SOCS7: variants seen among roughly 807,000 people sequenced by gnomAD.
SOCS7 encodes the protein NAP-4.
A neutral mutation model predicts 58.9 loss-of-function variants in SOCS7; 18 were observed. That is an observed-to-expected ratio of 0.31 (90% CI 0.21 to 0.45). The LOEUF is 0.45. SOCS7 is among the 20% of genes least tolerant of loss of function. The pLI is 1.00. For missense variants in SOCS7, 667 were observed against 837.3 expected (o/e 0.80, Z 2.51); for synonymous variants, 388 against 364.3 (o/e 1.06, Z -0.74).
chr17:38,386,348 A>AAAAAAAT (rs1206461262), intron 7 of SOCS7, among the ~76,000 whole-genome samples: 32 of 149,952 alleles, frequency 2.1e-4, no homozygotes, highest in Admixed American at 9.4e-4. Flanking sequence ...AAAAAAAAAA[A>AAAAAAAT]TTAGCCAGGT....
At chr17:38,361,234 A>G (rs2037715270) in intron 1 of SOCS7, among the ~76,000 whole-genome samples, 1 of 152,264 alleles carries the variant, frequency 6.6e-6, no homozygotes, top group African/African-American at 2.4e-5. Flanking sequence ...CTGCACATGC[A>G]TCCTGCAGTG....
rs1242133207 is a variant in SOCS7, at chr17:38,404,009, C to T, written c.*4527C>T. 3 of 151,832 alleles carry T rather than the reference C, an allele frequency of 2.0e-5. No homozygotes were observed. The highest frequency in any genetic ancestry group is 6.6e-5 in the Admixed American group (1 of 15,246). 9.4% of individuals were successfully genotyped at this position (151,832 alleles called of 1,614,324 possible). A position where few individuals can be genotyped will look rare whatever the true frequency, so the allele number is the denominator to read the frequency against. On this transcript the variant is annotated 3_prime_UTR_variant, in exon 10 of 10. Coordinates refer to ENST00000612932, the MANE Select transcript of SOCS7 (RefSeq NM_014598.4). ...AAAAAAAAAGAAAGAAAAGTGTGCCCCCCTCCTATGCTGCGATAGCTATAA... is the reference window on the plus strand; with the variant it reads ...AAAAAAAAAGAAAGAAAAGTGTGCCTCCCTCCTATGCTGCGATAGCTATAA...
intron 1 of SOCS7, among the ~76,000 whole-genome samples, 171 bp from the exon 2 acceptor site, chr17:38,361,539 CT>C (rs1450888550): frequency 5.3e-5 from 8 of 152,184 alleles, no homozygotes; most frequent in African/African-American, 1.9e-4. Context: ...AAGGAATTGC[CT>C]TAATTATTTC....
chr17:38,389,152 C>G (rs2038118393), intron 7 of SOCS7, among the ~76,000 whole-genome samples: 1 of 152,190 alleles, frequency 6.6e-6, no homozygotes, highest in Non-Finnish European at 1.5e-5. Flanking sequence ...TTTTGATTTG[C>G]ATTTCCCTAA....
At chr17:38,383,652 G>T (rs964293158) in intron 7 of SOCS7, among the ~76,000 whole-genome samples, 2 of 152,040 alleles carry the variant, frequency 1.3e-5, no homozygotes, top group African/African-American at 4.8e-5. Context: ...CTGCCTCCTG[G>T]GTTCAAGCAA....
chr17:38,358,844 A>G (rs1237794169), intron 1 of SOCS7, among the ~76,000 whole-genome samples: 2 of 152,058 alleles, frequency 1.3e-5, no homozygotes, highest in South Asian at 2.1e-4. Context: ...CTCTCCCTGG[A>G]TTCAGATGTT....
At chr17:38,359,439 G>A (rs2037685575) in intron 1 of SOCS7, among the ~76,000 whole-genome samples, 1 of 152,206 alleles carries the variant, frequency 6.6e-6, no homozygotes, top group Non-Finnish European at 1.5e-5. Context: ...AGCTCTTTCT[G>A]AATAAGATCT....
intron 7 of SOCS7, among the ~76,000 whole-genome samples, chr17:38,387,772 CT>C (rs199830504): frequency 0.17 from 19,261 of 115,420 alleles, 2,008 homozygotes; most frequent in African/African-American, 0.39. Context: ...TAATGGCTTT[CT>C]TTTTTTTTTT....
intron 7 of SOCS7, among the ~76,000 whole-genome samples, chr17:38,379,199 C>T (rs1191827093): frequency 1.3e-5 from 2 of 148,778 alleles, no homozygotes; most frequent in African/African-American, 5.0e-5. Flanking sequence ...AAAAACAAGG[C>T]AGGGGTTGGT....
In SOCS7 at chr17:38,368,027, A is replaced by T; in HGVS notation, c.1529A>T (p.His510Leu). Residue 510 changes from histidine to leucine, a missense_variant, in exon 6 of 10, where the codon CAC (histidine) becomes CTC (leucine). Physicochemically the swap from His to Leu is moderately conservative, Grantham distance 99. Coordinates refer to ENST00000612932, the MANE Select transcript of SOCS7 (RefSeq NM_014598.4). ...LSFRSQGITH[H>L]TRMEHYRGTF... Reference sequence around the variant, plus strand: ...TTCCGATCACAGGGTATCACCCACCACACTAGAATGGAGCACTACAGAGGT... The same window carrying T: ...TTCCGATCACAGGGTATCACCCACCTCACTAGAATGGAGCACTACAGAGGT... 6.2e-7 allele frequency: 1 copy of T among 1,614,092 alleles called. No homozygotes were observed. Among genetic ancestry groups the T allele is most frequent in the Non-Finnish European group, 8.5e-7 (1 of 1,179,972 alleles).
chr17:38,389,451 A>G (rs2038121415), intron 7 of SOCS7, among the ~76,000 whole-genome samples: 1 of 151,936 alleles, frequency 6.6e-6, no homozygotes, highest in Non-Finnish European at 1.5e-5. Context: ...AGCTACTTGG[A>G]AGACTGAGAT....
chr17:38,404,006 GC>G lies in SOCS7; in HGVS notation c.*4530del, dbSNP rs1185173269. On this transcript the variant is annotated 3_prime_UTR_variant, in exon 10 of 10. Transcript: ENST00000612932. ...AGAAAAAAAAAAGAAAGAAAAGTGT[GC>G]CCCCCTCCTATGCTGCGATAGCTAT... is the stretch of plus-strand genomic sequence containing the variant. The G allele has an allele frequency of 6.6e-6, 1 of 151,898 alleles. No homozygotes were observed. The highest frequency in any genetic ancestry group is 2.4e-5 in the African/African-American group (1 of 41,356). 9.4% of individuals were successfully genotyped at this position (151,898 alleles called of 1,614,324 possible).
At chr17:38,361,635 C>A in intron 1 of SOCS7, 76 bp from the exon 2 acceptor site, 1 of 1,101,152 alleles carries the variant, frequency 9.1e-7, no homozygotes, top group Non-Finnish European at 1.4e-6. Context: ...GCATCTGGAA[C>A]TGAGTGTTGT....
chr17:38,392,875 C>T (rs1330996213), intron 7 of SOCS7, among the ~76,000 whole-genome samples: 1 of 152,214 alleles, frequency 6.6e-6, no homozygotes, highest in African/African-American at 2.4e-5. Flanking sequence ...GTGTTCAAGG[C>T]AGGCCGGCTT....
At chr17:38,359,739 T>TTATATA (rs71368481) in intron 1 of SOCS7, among the ~76,000 whole-genome samples, 1 of 147,914 alleles carries the variant, frequency 6.8e-6, no homozygotes, top group African/African-American at 2.5e-5. Flanking sequence ...TGTTTTACTG[T>TTATATA]TATATATATA....
In SOCS7 at chr17:38,404,714, C is replaced by T. The variant is rs544577060; in HGVS notation, c.*5232C>T. On this transcript the variant is annotated 3_prime_UTR_variant, in exon 10 of 10. Coordinates refer to ENST00000612932, the MANE Select transcript of SOCS7 (RefSeq NM_014598.4). ...TACCACACTGCCCCGCTCAGAGTTT[C>T]GTCCTGAGCTCCCTAACCAGCTCAG... 3 of 152,380 alleles carry T rather than the reference C, an allele frequency of 2.0e-5. No individual in the cohort carries two copies. The highest frequency in any genetic ancestry group is 4.4e-5 in the Non-Finnish European group (3 of 68,052). 9.4% of individuals were successfully genotyped at this position (152,380 alleles called of 1,614,324 possible).
intron 6 of SOCS7, among the ~76,000 whole-genome samples, chr17:38,369,697 T>G (rs956185925): frequency 1.4e-5 from 2 of 144,980 alleles, no homozygotes; most frequent in African/African-American, 2.7e-5. Context: ...TTTTTTTGAG[T>G]TGGAGTCTAA....
intron 6 of SOCS7, among the ~76,000 whole-genome samples, chr17:38,376,953 C>T (rs1236275063): frequency 1.3e-5 from 2 of 152,126 alleles, no homozygotes; most frequent in African/African-American, 4.8e-5. Flanking sequence ...TTTAGAGTTG[C>T]CTCCAGTATT....
rs541718266 is a variant in SOCS7, at chr17:38,400,746, A to G, written c.*1264A>G. ...GTCTCCACTCACTGGAAAGTCTGCC[A>G]GATGCCGATTTGAGAGCTGCCTGTC... On this transcript the variant is annotated 3_prime_UTR_variant, in exon 10 of 10. Transcript: ENST00000612932. 3 of 152,332 alleles carry G rather than the reference A, an allele frequency of 2.0e-5. No homozygotes were observed. The South Asian group carries it at 6.2e-4, about 32-fold the overall frequency. 9.4% of individuals were successfully genotyped at this position (152,332 alleles called of 1,614,324 possible).
Sources: allele counts gnomAD v4.1 joint callset (sites outside exome capture counted in the v4.1 genomes callset), GRCh38; gene constraint gnomAD v4.1.1; transcripts MANE v1.5; gene names NCBI Gene and HGNC (gene_info 2026-07-23, HGNC 2026-07-21).